Variants in LARGE1 observed in about 807,000 individuals in gnomAD.
The protein encoded by LARGE1 is LARGE xylosyl- and glucuronyltransferase 1.
Under a neutral mutation model 87.6 loss-of-function variants are expected in LARGE1, and 43 were observed. That is an observed-to-expected ratio of 0.49 (90% CI 0.38 to 0.63). LARGE1 has a LOEUF of 0.63. Among genes scored for constraint, LARGE1 ranks in the 30% least tolerant of loss-of-function variants. The pLI, the probability that LARGE1 is intolerant of heterozygous loss-of-function variation, is 0.00. For synonymous variants in LARGE1, 434 were observed against 394.6 expected (o/e 1.10, Z -1.18); for missense variants, 802 against 1,000.2 (o/e 0.80, Z 2.67).
intron 9 of LARGE1, among the ~76,000 whole-genome samples, chr22:33,359,593 T>G (rs2064307486): frequency 6.9e-6 from 1 of 144,256 alleles, no homozygotes; most frequent in Non-Finnish European, 1.5e-5. Flanking sequence ...AGATGGAGTC[T>G]CGCTCTGTTG....
intron 10 of LARGE1, among the ~76,000 whole-genome samples, chr22:33,323,673 T>C (rs1251909899): frequency 1.3e-5 from 2 of 152,212 alleles, no homozygotes. Context: ...GAACACATTA[T>C]AATGTTAACA....
chr22:33,765,970 C>A (rs761193566), intron 1 of LARGE1, among the ~76,000 whole-genome samples: 123 of 152,106 alleles, frequency 8.1e-4, no homozygotes, highest in Non-Finnish European at 1.4e-3. Flanking sequence ...TTAAACCCAG[C>A]AGGTAAAAAA....
intron 10 of LARGE1, among the ~76,000 whole-genome samples, chr22:33,330,897 C>T (rs903389875): frequency 3.9e-5 from 6 of 152,140 alleles, no homozygotes; most frequent in African/African-American, 1.4e-4. Flanking sequence ...TTCTTCCTAC[C>T]CTGAATTTCC....
chr22:33,420,376 C>T (rs936987535), intron 7 of LARGE1, among the ~76,000 whole-genome samples: 3 of 152,068 alleles, frequency 2.0e-5, no homozygotes, highest in Non-Finnish European at 4.4e-5. Flanking sequence ...AACTTATATC[C>T]TCATGGAAAG....
intron 5 of LARGE1, among the ~76,000 whole-genome samples, chr22:33,602,065 T>G (rs2079127111): frequency 6.6e-6 from 1 of 152,122 alleles, no homozygotes; most frequent in African/African-American, 2.4e-5. Context: ...GAGTGCATTT[T>G]AAGTCATTCT....
intron 11 of LARGE1, among the ~76,000 whole-genome samples, chr22:33,213,484 T>A (rs1221987532): frequency 6.6e-6 from 1 of 152,156 alleles, no homozygotes; most frequent in Non-Finnish European, 1.5e-5. Flanking sequence ...CATAAAAGGA[T>A]GAGTTGATCA....
At chr22:33,086,451 T>C in the LARGE1 span, among the ~76,000 whole-genome samples, 1 of 152,114 alleles carries the variant, frequency 6.6e-6, no homozygotes, top group South Asian at 2.1e-4. Context: ...TGAAGTCCTT[T>C]CAATTTATTC....
chr22:33,094,107 T>C, the LARGE1 span, among the ~76,000 whole-genome samples: 4 of 152,140 alleles, frequency 2.6e-5, no homozygotes, highest in Non-Finnish European at 5.9e-5. Flanking sequence ...TCAGCTTGCA[T>C]TGAGCATACT....
the LARGE1 span, among the ~76,000 whole-genome samples, chr22:33,127,265 C>T: frequency 3.3e-5 from 5 of 152,254 alleles, no homozygotes; most frequent in South Asian, 2.1e-4. Context: ...CCCAGGTGTC[C>T]GTGAGACAAT....
At chr22:33,645,981 A>C (rs528966578) in intron 3 of LARGE1, among the ~76,000 whole-genome samples, 1 of 152,368 alleles carries the variant, frequency 6.6e-6, no homozygotes, top group East Asian at 1.9e-4. Context: ...GAACGCTTTT[A>C]CACTGTTGGT....
intron 3 of LARGE1, among the ~76,000 whole-genome samples, chr22:33,633,748 G>C (rs969878703): frequency 6.6e-6 from 1 of 152,222 alleles, no homozygotes; most frequent in Non-Finnish European, 1.5e-5. Context: ...GCTCAGCACA[G>C]ATTCTGGATG....
At chr22:33,683,366 T>C (rs1490251625) in intron 2 of LARGE1, among the ~76,000 whole-genome samples, 1 of 152,212 alleles carries the variant, frequency 6.6e-6, no homozygotes, top group Non-Finnish European at 1.5e-5. Flanking sequence ...AACAGAAATA[T>C]AGCTGTGGGT....
intron 6 of LARGE1, among the ~76,000 whole-genome samples, chr22:33,534,012 T>C (rs2076970864): frequency 6.6e-6 from 1 of 152,078 alleles, no homozygotes; most frequent in Admixed American, 6.6e-5. Flanking sequence ...TCCTCCAATG[T>C]TTACTGACTC....
the LARGE1 span, among the ~76,000 whole-genome samples, chr22:33,082,237 A>T: frequency 6.6e-6 from 1 of 152,178 alleles, no homozygotes; most frequent in Non-Finnish European, 1.5e-5. Flanking sequence ...CAGAGCAGTG[A>T]AATACAATCC....
intron 2 of LARGE1, among the ~76,000 whole-genome samples, chr22:33,753,359 G>A (rs888556700): frequency 1.3e-5 from 2 of 152,168 alleles, no homozygotes; most frequent in East Asian, 1.9e-4. Context: ...TGGCCTTGGG[G>A]ATGGAGGAAG....
At chr22:33,661,611 T>C (rs972962806) in intron 2 of LARGE1, among the ~76,000 whole-genome samples, 2 of 152,112 alleles carry the variant, frequency 1.3e-5, no homozygotes, top group African/African-American at 4.8e-5. Context: ...CAGCAGCTAT[T>C]TGAGGATGCC....
At chr22:33,860,728 G>A (rs1357743217) in intron 1 of LARGE1, among the ~76,000 whole-genome samples, 1 of 152,162 alleles carries the variant, frequency 6.6e-6, no homozygotes, top group East Asian at 1.9e-4. Context: ...GCTCACCAGG[G>A]CAAAGCGGGG....
At chr22:33,550,283 C>T (rs936025524) in intron 6 of LARGE1, among the ~76,000 whole-genome samples, 1 of 152,050 alleles carries the variant, frequency 6.6e-6, no homozygotes. Flanking sequence ...AAGTCCACTA[C>T]ATATTCCTAA....
At chr22:33,298,551 G>A (rs957277529) in intron 12 of LARGE1, among the ~76,000 whole-genome samples, 2 of 152,240 alleles carry the variant, frequency 1.3e-5, no homozygotes, top group Non-Finnish European at 2.9e-5. Flanking sequence ...AGTCAGCCAT[G>A]GTGGCTCACG....
Sources: gnomAD v4.1 joint callset for allele counts (sites outside exome capture counted in the v4.1 genomes callset) on GRCh38, gnomAD v4.1.1 for gene constraint, MANE v1.5 for transcripts, NCBI Gene and HGNC (gene_info 2026-07-23, HGNC 2026-07-21) for gene names.